Variants in DCC observed in about 807,000 individuals in gnomAD.
The protein encoded by DCC is netrin receptor DCC.
DCC carries 58 observed loss-of-function variants against 172.5 expected under a neutral mutation model. The observed-to-expected ratio is 0.34, with a 90% CI of 0.27 to 0.42. The LOEUF (loss-of-function observed/expected upper bound fraction) is 0.42, where lower values mean the gene tolerates loss of function less well. DCC is among the 10% of genes least tolerant of loss of function. The pLI is 1.00. For missense variants in DCC, 1,740 were observed against 1,791.0 expected, an observed-to-expected ratio of 0.97 and a Z score of 0.51; for synonymous variants, 709 against 644.5, an observed-to-expected ratio of 1.10 and a Z score of -1.52.
At chr18:52,985,773 C>T (rs1288419046) in intron 5 of DCC, among the ~76,000 whole-genome samples, 1 of 151,878 alleles carries the variant, frequency 6.6e-6, no homozygotes, top group Non-Finnish European at 1.5e-5. Flanking sequence ...TATCTTTTGG[C>T]TCAATGCAAA....
intron 1 of DCC, 126 bp downstream of exon 1, chr18:52,341,004 C>T: frequency 2.5e-6 from 2 of 794,860 alleles, no homozygotes; most frequent in South Asian, 2.8e-5. Context: ...GCGCTGCCCC[C>T]ATTTGCGCAC....
intron 2 of DCC, among the ~76,000 whole-genome samples, chr18:52,819,328 A>G (rs9966447): frequency 0.046 from 7,040 of 152,282 alleles, 252 homozygotes; most frequent in South Asian, 0.17. Context: ...TAAATTAATA[A>G]TTTTCTCAAT....
At chr18:53,143,310 TAAG>T (rs1225890466) in intron 7 of DCC, among the ~76,000 whole-genome samples, 1 of 152,226 alleles carries the variant, frequency 6.6e-6, no homozygotes, top group Non-Finnish European at 1.5e-5. Context: ...TCTAGATAGT[TAAG>T]AAGGCAGTAT....
At chr18:52,688,031 C>A (rs927895854) in intron 1 of DCC, among the ~76,000 whole-genome samples, 9 of 151,898 alleles carry the variant, frequency 5.9e-5, no homozygotes, top group African/African-American at 2.2e-4. Context: ...AACCATGGGT[C>A]TAAATTGCCC....
intron 8 of DCC, among the ~76,000 whole-genome samples, chr18:53,158,226 C>T (rs567462333): frequency 6.6e-6 from 1 of 152,180 alleles, no homozygotes; most frequent in South Asian, 2.1e-4. Flanking sequence ...AATGTCATAT[C>T]AGTGTCCAGT....
chr18:53,428,373 T>TAATATATTACATATATAA (rs1911225992), intron 21 of DCC, among the ~76,000 whole-genome samples: 1 of 42,982 alleles, frequency 2.3e-5, no homozygotes, highest in African/African-American at 6.4e-5. Context: ...TAATATAATA[T>TAATATATTACATATATAA]TATAATATAT....
At chr18:52,666,630 T>G (rs550020241) in intron 1 of DCC, among the ~76,000 whole-genome samples, 2 of 152,306 alleles carry the variant, frequency 1.3e-5, no homozygotes, top group Admixed American at 1.3e-4. Flanking sequence ...TGTGCAGATA[T>G]TATCTACTAT....
intron 9 of DCC, among the ~76,000 whole-genome samples, chr18:53,186,991 A>G: frequency 6.6e-6 from 1 of 152,210 alleles, no homozygotes; most frequent in South Asian, 2.1e-4. Flanking sequence ...TCATGAGGGT[A>G]GAGCCCTCAT....
intron 2 of DCC, among the ~76,000 whole-genome samples, chr18:52,898,700 AT>A (rs5824974): frequency 0.13 from 19,454 of 148,360 alleles, 1,516 homozygotes; most frequent in Admixed American, 0.24. Flanking sequence ...TTTTTACCTC[AT>A]TTTTTTTTTT....
At chr18:52,588,224 G>C (rs773841530) in intron 1 of DCC, among the ~76,000 whole-genome samples, 1 of 152,122 alleles carries the variant, frequency 6.6e-6, no homozygotes, top group African/African-American at 2.4e-5. Context: ...TCACCTATAG[G>C]GTCCTGCCAA....
chr18:52,638,810 T>A (rs1199422059), intron 1 of DCC, among the ~76,000 whole-genome samples: 1 of 151,930 alleles, frequency 6.6e-6, no homozygotes, highest in Non-Finnish European at 1.5e-5. Context: ...AGACAAAAAG[T>A]GAACAAAGAA....
At chr18:52,399,158 T>C (rs2144369724) in intron 1 of DCC, among the ~76,000 whole-genome samples, 1 of 152,118 alleles carries the variant, frequency 6.6e-6, no homozygotes, top group East Asian at 1.9e-4. Context: ...GTAAGATGTC[T>C]TTAAATTAGC....
At chr18:52,785,368 C>A (rs1055936736) in intron 2 of DCC, among the ~76,000 whole-genome samples, 3 of 152,022 alleles carry the variant, frequency 2.0e-5, no homozygotes, top group Non-Finnish European at 4.4e-5. Context: ...GGCTGCTTTT[C>A]ATTAAAGAGA....
intron 7 of DCC, among the ~76,000 whole-genome samples, chr18:53,080,642 C>T (rs1445181851): frequency 6.6e-6 from 1 of 152,046 alleles, no homozygotes; most frequent in African/African-American, 2.4e-5. Flanking sequence ...CAGATGAATG[C>T]AGAATATTTT....
In DCC at chr18:52,841,109, G is replaced by C. The variant is rs531701715; in HGVS notation, c.413-64935G>C. 2.0e-5 allele frequency among the ~76,000 whole-genome samples: 3 copies of C among 152,196 alleles called. No homozygotes were observed. The East Asian group carries it at 5.8e-4, about 30-fold the overall frequency. ...AGTCATTCATCTGTATCTCAGAGTA[G>C]GAAAGGTAATGGTAAGACTTGGAGT... On this transcript the variant is annotated intron_variant, in intron 2 of 28. Transcript: ENST00000442544.
At position 53,407,047 on chromosome 18, in the gene DCC, G is replaced by C. The variant is rs142372527; in HGVS notation, c.2936-3405G>C. 5.9e-5 allele frequency among the ~76,000 whole-genome samples: 9 copies of C among 152,252 alleles called. No individual in the cohort carries two copies. The East Asian group carries it at 1.7e-3, about 29-fold the overall frequency. On this transcript the variant is annotated intron_variant, in intron 19 of 28. Coordinates refer to ENST00000442544, the MANE Select transcript of DCC (RefSeq NM_005215.4). Reference sequence around the variant, plus strand: ...ACTGATGTCTGCACCTTCAACTTTAGTTTGATCCCAGAGCTGTCATTTTTA... The same window carrying C: ...ACTGATGTCTGCACCTTCAACTTTACTTTGATCCCAGAGCTGTCATTTTTA...
intron 7 of DCC, among the ~76,000 whole-genome samples, chr18:53,133,239 G>T (rs1251714530): frequency 6.6e-6 from 1 of 152,186 alleles, no homozygotes; most frequent in Non-Finnish European, 1.5e-5. Context: ...CCAGCAAGTT[G>T]CTGGGAATAC....
At chr18:53,472,449 C>T (rs1236601883) in intron 25 of DCC, among the ~76,000 whole-genome samples, 1 of 152,106 alleles carries the variant, frequency 6.6e-6, no homozygotes, top group Non-Finnish European at 1.5e-5. Context: ...CTTTTTTCCC[C>T]TCTAGTTGCA....
chr18:53,424,791 C>A (rs937945902), intron 21 of DCC, among the ~76,000 whole-genome samples: 1 of 152,304 alleles, frequency 6.6e-6, no homozygotes, highest in East Asian at 1.9e-4. Flanking sequence ...TCATGCCTAC[C>A]TTTGCAGAGT....
Sources: gnomAD v4.1 joint callset for allele counts (sites outside exome capture counted in the v4.1 genomes callset) on GRCh38, gnomAD v4.1.1 for gene constraint, MANE v1.5 for transcripts, NCBI Gene and HGNC (gene_info 2026-07-23, HGNC 2026-07-21) for gene names.